Variants in GCLC observed in about 807,000 individuals in gnomAD.
GCLC encodes glutamate--cysteine ligase catalytic subunit.
In GCLC, 30 loss-of-function variants were observed where a neutral mutation model predicts 81.5. The ratio of observed to expected loss-of-function variants is 0.37; its 90% CI spans 0.28 to 0.50. The LOEUF (loss-of-function observed/expected upper bound fraction) is 0.50. Among genes scored for constraint, GCLC ranks in the 20% least tolerant of loss-of-function variants. The pLI is 0.96. For synonymous variants in GCLC, 262 were observed against 273.3 expected (o/e 0.96, Z 0.41); for missense variants, 556 against 777.4 (o/e 0.72, Z 3.39).
intron 1 of GCLC, among the ~76,000 whole-genome samples, chr6:53,531,688 T>G (rs1763173809): frequency 6.6e-6 from 1 of 151,924 alleles, no homozygotes; most frequent in African/African-American, 2.4e-5. Flanking sequence ...CTGGCTCTTG[T>G]GTGCTTCAAG....
intron 12 of GCLC, among the ~76,000 whole-genome samples, chr6:53,504,189 A>AT (rs869191868): frequency 6.7e-6 from 1 of 150,286 alleles, no homozygotes; most frequent in Admixed American, 6.7e-5. Flanking sequence ...GTTTAAAAGT[A>AT]TTTTTTAAAA....
rs35480206 is a variant in GCLC, at chr6:53,540,667, CCACACACACACACACACA to C, written c.150+3811_150+3828del. 5.4e-3 allele frequency among the ~76,000 whole-genome samples: 782 copies of C among 143,910 alleles called. 7 individuals carry two copies. The highest frequency in any genetic ancestry group is 0.018 in the African/African-American group (710 of 39,190). 94.4% of individuals were successfully genotyped at this position (143,910 alleles called of 152,430 possible). On this transcript the variant is annotated intron_variant, in intron 1 of 15. Coordinates refer to ENST00000650454, the MANE Select transcript of GCLC (RefSeq NM_001498.4). The stretch of plus-strand genomic sequence containing the variant: ...GGTAGAGCTCATGTTAAGTGTCTTG[CCACACACACACACACACA>C]CACACACACACACACACACAAAAGT...
rs1327053912 is a variant in GCLC, at chr6:53,545,028, C to T, written c.-383G>A. On this transcript the variant is annotated 5_prime_UTR_variant, in exon 1 of 16. Coordinates refer to ENST00000650454, the MANE Select transcript of GCLC (RefSeq NM_001498.4). ...CTTTGCCGGTCTGGTGCACTGGCTTCTTCCTACTTGTGACCAAAACCTGCG... is the reference window on the plus strand; with the variant it reads ...CTTTGCCGGTCTGGTGCACTGGCTTTTTCCTACTTGTGACCAAAACCTGCG... 3 of 165,690 alleles carry T rather than the reference C, an allele frequency of 1.8e-5. No homozygotes were observed. Among genetic ancestry groups the T allele is most frequent in the East Asian group, 1.7e-4 (1 of 5,840 alleles). 10.3% of individuals were successfully genotyped at this position (165,690 alleles called of 1,614,324 possible). A position where few individuals can be genotyped will look rare whatever the true frequency, so the allele number is the denominator to read the frequency against.
chr6:53,512,951 T>C (rs1352547166), intron 6 of GCLC: 1 of 152,216 alleles, frequency 6.6e-6, no homozygotes, highest in Non-Finnish European at 1.5e-5. Context: ...TACTTGTAAT[T>C]AAGATAGGAA....
chr6:53,530,479 G>T (rs1488740468), intron 1 of GCLC, among the ~76,000 whole-genome samples: 10 of 152,204 alleles, frequency 6.6e-5, no homozygotes, highest in Admixed American at 6.5e-4. Flanking sequence ...CTGACTTGGG[G>T]TTCTGATTCT....
chr6:53,506,964 C>T lies in GCLC; in HGVS notation c.1146G>A (p.Leu382=). Residue 382 remains leucine (L), a synonymous_variant, in exon 10 of 16, where the codon CTG becomes CTA. Coordinates refer to ENST00000650454, the MANE Select transcript of GCLC (RefSeq NM_001498.4). This position sits in a 1 kb window ranked among gnomAD's most constrained non-coding sequence, Gnocchi z 4.0. ...CATCCAGGTGTATTTTCTCTTCAAA[C>T]AGTGTCAGTGGGTCTCTAATAAAGA... ...AHLFIRDPLT[L]FEEKIHLDDA... is the part of the protein sequence containing the mutation. The T allele has an allele frequency of 1.9e-6, 3 of 1,611,622 alleles. No individual in the cohort carries two copies. The highest frequency in any genetic ancestry group is 2.5e-6 in the Non-Finnish European group (3 of 1,177,728).
At chr6:53,509,734 C>T (rs751600052) in intron 6 of GCLC, 7 of 183,018 alleles carry the variant, frequency 3.8e-5, no homozygotes, top group Non-Finnish European at 8.0e-5. Flanking sequence ...CTGAAAGCTC[C>T]ACCTCCTGGG....
Position 53,544,844 on chromosome 6 carries a change from C to G in GCLC, c.-199G>C. The G allele has an allele frequency of 2.2e-6, 1 of 452,202 alleles. No homozygotes were observed. Among genetic ancestry groups the G allele is most frequent in the East Asian group, 3.9e-5 (1 of 25,430 alleles). The allele number at this position is 452,202 out of a possible 1,614,324, so 28.0% of individuals were successfully genotyped here. A position where few individuals can be genotyped will look rare whatever the true frequency, so the allele number is the denominator to read the frequency against. Reference sequence around the variant, plus strand: ...GGCCCCTGGCGCCCAGGTGACAGACCCTGGGTCCGACGCACCGCGCGGAGG... The same window carrying G: ...GGCCCCTGGCGCCCAGGTGACAGACGCTGGGTCCGACGCACCGCGCGGAGG... On this transcript the variant is annotated 5_prime_UTR_variant, in exon 1 of 16. Coordinates refer to ENST00000650454, the MANE Select transcript of GCLC (RefSeq NM_001498.4).
Position 53,498,909 on chromosome 6 carries a change from G to A in GCLC, c.1761C>T (p.Tyr587=). Residue 587 remains tyrosine, a synonymous_variant, in exon 16 of 16, where the codon TAC becomes TAT. Coordinates refer to ENST00000650454, the MANE Select transcript of GCLC (RefSeq NM_001498.4). Reference sequence around the variant, plus strand: ...CATCAGTTATGACACTGTCTTGCTTGTAGTCAGGATGGTTTGCGATAAACT... The same window carrying A: ...CATCAGTTATGACACTGTCTTGCTTATAGTCAGGATGGTTTGCGATAAACT... ...MREFIANHPD[Y]KQDSVITDEM... 6.2e-7 allele frequency: 1 copy of A among 1,613,298 alleles called. No homozygotes were observed. Among genetic ancestry groups the A allele is most frequent in the Non-Finnish European group, 8.5e-7 (1 of 1,179,414 alleles).
intron 15 of GCLC, 70 bp from the exon 16 acceptor site, chr6:53,499,037 A>C (rs2127618259): frequency 1.1e-6 from 1 of 921,122 alleles, no homozygotes; most frequent in Middle Eastern, 2.1e-4. Flanking sequence ...GTTGATATTT[A>C]GTGGTCAGCA....
chr6:53,528,852 G>C (rs554127802), intron 1 of GCLC, among the ~76,000 whole-genome samples: 1 of 152,248 alleles, frequency 6.6e-6, no homozygotes, highest in South Asian at 2.1e-4. Flanking sequence ...AGCCCAAACA[G>C]AGAAAACATT....
chr6:53,498,713 G>T lies in GCLC; in HGVS notation c.*43C>A, dbSNP rs1581725138. 8.3e-7 allele frequency: 1 copy of T among 1,207,200 alleles called. No homozygotes were observed. The highest frequency in any genetic ancestry group is 1.2e-6 in the Non-Finnish European group (1 of 810,410). The allele number at this position is 1,207,200 out of a possible 1,614,324, so 74.8% of individuals were successfully genotyped here. ...CGGGCTGGCTGAGAGGCATGGTACT[G>T]TAGCCAGTTCGTCAATAATGCATTT... On this transcript the variant is annotated 3_prime_UTR_variant, in exon 16 of 16. Coordinates refer to ENST00000650454, the MANE Select transcript of GCLC (RefSeq NM_001498.4).
Position 53,500,158 on chromosome 6 carries a change from A to C in GCLC, c.1589T>G (p.Val530Gly). 6.2e-7 allele frequency: 1 copy of C among 1,614,052 alleles called. No individual in the cohort carries two copies. Among genetic ancestry groups the C allele is most frequent in the Non-Finnish European group, 8.5e-7 (1 of 1,179,886 alleles). Residue 530 changes from valine to glycine, a missense_variant, in exon 15 of 16, where the codon GTG becomes GGG. Around this residue, in one of 3 missense-constraint regions of GCLC, gnomAD observed 313 missense variants for 437.3 expected, o/e 0.72. Coordinates refer to ENST00000650454, the MANE Select transcript of GCLC (RefSeq NM_001498.4). ...CAGAATTGGGATCAGTCCAGGAAAC[A>C]CACCTTCCTACAAGAAGCAGGACAC... ...IDTIINGKEGVFPGLIPILNS... is the reference protein window; with the variant it reads ...IDTIINGKEGGFPGLIPILNS...
chr6:53,527,819 C>A (rs1320703082), intron 1 of GCLC, among the ~76,000 whole-genome samples: 1 of 152,210 alleles, frequency 6.6e-6, no homozygotes, highest in Non-Finnish European at 1.5e-5. Flanking sequence ...GATCCTTCAA[C>A]ATAAAATTCA....
chr6:53,504,971 A>G (rs1764585308), intron 12 of GCLC, among the ~76,000 whole-genome samples: 1 of 152,130 alleles, frequency 6.6e-6, no homozygotes, highest in African/African-American at 2.4e-5. Context: ...CCTCCCAGAA[A>G]GCTTGTTTTT....
intron 4 of GCLC, among the ~76,000 whole-genome samples, chr6:53,514,998 A>AC (rs1316477909): frequency 6.6e-6 from 1 of 152,206 alleles, no homozygotes; most frequent in Non-Finnish European, 1.5e-5. Flanking sequence ...GCCACTGAGT[A>AC]CTTGAAATAT....
intron 2 of GCLC, among the ~76,000 whole-genome samples, chr6:53,521,402 G>A (rs1762992965): frequency 2.0e-5 from 3 of 152,068 alleles, no homozygotes; most frequent in African/African-American, 7.2e-5. Context: ...TGATCTGCCT[G>A]CCTCGGCCTC....
chr6:53,536,075 T>C (rs371694350), intron 1 of GCLC, among the ~76,000 whole-genome samples: 4 of 152,188 alleles, frequency 2.6e-5, no homozygotes, highest in Admixed American at 2.6e-4. Flanking sequence ...GGTATAACCA[T>C]GGAATGAAAT....
chr6:53,539,710 A>C (rs1331029833), intron 1 of GCLC, among the ~76,000 whole-genome samples: 1 of 152,188 alleles, frequency 6.6e-6, no homozygotes, highest in East Asian at 1.9e-4. Flanking sequence ...TATCACATCC[A>C]AAACACCACT....
Sources: allele counts gnomAD v4.1 joint callset (sites outside exome capture counted in the v4.1 genomes callset), GRCh38; gene constraint gnomAD v4.1.1; regional missense constraint gnomAD v4.1.1; non-coding constraint Gnocchi (gnomAD v3.1); transcripts MANE v1.5; gene names NCBI Gene and HGNC (gene_info 2026-07-23, HGNC 2026-07-21).